Variants in CRISP1 observed in about 807,000 individuals in gnomAD.
The protein encoded by CRISP1 is cysteine-rich secretory protein 1.
CRISP1 carries 44 observed loss-of-function variants against 33.1 expected under a neutral mutation model. The ratio of observed to expected loss-of-function variants is 1.33; its 90% CI spans 1.05 to 1.71. The LOEUF (loss-of-function observed/expected upper bound fraction) is 1.71. Ranked by LOEUF, CRISP1 falls within the 40% of genes most tolerant of loss-of-function variation. The pLI is 0.00. For missense variants in CRISP1, 390 were observed against 301.2 expected (o/e 1.29, Z -2.18); for synonymous variants, 103 against 98.7 (o/e 1.04, Z -0.26).
At chr6:49,853,376 T>A (rs1355941366) in intron 2 of CRISP1, among the ~76,000 whole-genome samples, 4 of 152,178 alleles carry the variant, frequency 2.6e-5, no homozygotes, top group Non-Finnish European at 4.4e-5. Context: ...GGAAATTGGG[T>A]TTCCTGAAAC....
intron 1 of CRISP1, among the ~76,000 whole-genome samples, chr6:49,861,317 G>A (rs1167328614): frequency 6.6e-6 from 1 of 152,210 alleles, no homozygotes; most frequent in East Asian, 1.9e-4. Flanking sequence ...CAATATCCCT[G>A]ATGAACATAG....
chr6:49,861,098 T>C (rs1771638060), intron 1 of CRISP1, among the ~76,000 whole-genome samples: 1 of 152,214 alleles, frequency 6.6e-6, no homozygotes, highest in South Asian at 2.1e-4. Context: ...TGAATTATAA[T>C]AAAAACTCTA....
At chr6:49,850,458 G>A (rs1301637119) in intron 3 of CRISP1, among the ~76,000 whole-genome samples, 1 of 151,924 alleles carries the variant, frequency 6.6e-6, no homozygotes, top group Non-Finnish European at 1.5e-5. Flanking sequence ...GCTTTAACAA[G>A]TGACTCTACT....
rs555703445 is a variant in CRISP1 at position 49,851,636 on chromosome 6, G to A, written c.195+365C>T. 2.0e-4 allele frequency among the ~76,000 whole-genome samples: 31 copies of A among 152,308 alleles called. No homozygotes were observed. The South Asian group carries it at 2.3e-3, about 11-fold the overall frequency. ...TTTGTCGTGTGTACTGGCAGCATCAGCATCAGCTGGGAGCTTGTGGTGGTC... is the reference window on the plus strand; with the variant it reads ...TTTGTCGTGTGTACTGGCAGCATCAACATCAGCTGGGAGCTTGTGGTGGTC... On this transcript the variant is annotated intron_variant, in intron 3 of 7. Transcript: ENST00000335847.
intron 5 of CRISP1, among the ~76,000 whole-genome samples, chr6:49,843,646 A>C (rs1771065241): frequency 6.6e-6 from 1 of 152,212 alleles, no homozygotes. Context: ...TGAGCACACT[A>C]AAACAGATTT....
intron 2 of CRISP1, 29 bp from the exon 3 acceptor site, chr6:49,852,158 T>C (rs779261486): frequency 6.2e-7 from 1 of 1,601,566 alleles, no homozygotes; most frequent in Non-Finnish European, 8.5e-7. Context: ...TAATTAGTGT[T>C]ACTTCTTTTA....
chr6:49,847,557 G>A (rs1487593142), intron 4 of CRISP1, among the ~76,000 whole-genome samples: 1 of 152,092 alleles, frequency 6.6e-6, no homozygotes, highest in Non-Finnish European at 1.5e-5. Context: ...CTCACCAAAA[G>A]CCAAGTAGAT....
At chr6:49,836,664 T>C (rs1770808370) in intron 7 of CRISP1, among the ~76,000 whole-genome samples, 1 of 152,114 alleles carries the variant, frequency 6.6e-6, no homozygotes, top group African/African-American at 2.4e-5. Flanking sequence ...TACATTTATG[T>C]CTTACTGTTT....
intron 3 of CRISP1, among the ~76,000 whole-genome samples, chr6:49,849,388 C>T (rs2127473333): frequency 6.6e-6 from 1 of 152,242 alleles, no homozygotes; most frequent in South Asian, 2.1e-4. Flanking sequence ...TCTTCCTTGT[C>T]CCTCTTGTTT....
At chr6:49,842,522 CATACTA>C (rs1340513947) in intron 5 of CRISP1, among the ~76,000 whole-genome samples, 3 of 152,008 alleles carry the variant, frequency 2.0e-5, no homozygotes, top group Admixed American at 6.6e-5. Context: ...TTTCTATGAA[CATACTA>C]ATGTATTTAT....
rs138917614 is a variant in CRISP1 at position 49,853,316 on chromosome 6, A to T, written c.67-1187T>A. Among the ~76,000 whole-genome samples the T allele has an allele frequency of 2.0e-3, 298 of 152,184 alleles. 2 individuals are homozygous for T. The highest frequency in any genetic ancestry group is 6.8e-3 in the African/African-American group (284 of 41,538). On this transcript the variant is annotated intron_variant, in intron 2 of 7. Transcript: ENST00000335847. ...TTCCTCTCACACCTCATTCCTGAACATTTATTTAACATCCTATCATGGATT... is the reference window on the plus strand; with the variant it reads ...TTCCTCTCACACCTCATTCCTGAACTTTTATTTAACATCCTATCATGGATT...
chr6:49,860,940 C>G (rs988870294), intron 1 of CRISP1, among the ~76,000 whole-genome samples: 1 of 151,816 alleles, frequency 6.6e-6, no homozygotes, highest in Non-Finnish European at 1.5e-5. Context: ...TAGAGAAATA[C>G]AGAAGACCAC....
intron 1 of CRISP1, among the ~76,000 whole-genome samples, chr6:49,860,812 TA>T (rs1270257968): frequency 2.6e-5 from 4 of 151,878 alleles, no homozygotes; most frequent in Non-Finnish European, 5.9e-5. Context: ...ATACAAAGGA[TA>T]AAAAAATGTT....
chr6:49,863,554 T>C (rs1003082998), intron 1 of CRISP1, among the ~76,000 whole-genome samples: 2 of 152,258 alleles, frequency 1.3e-5, no homozygotes, highest in African/African-American at 4.8e-5. Flanking sequence ...AGCAACTTGA[T>C]ACATTATTTA....
At chr6:49,851,740 T>C (rs142740073) in intron 3 of CRISP1, among the ~76,000 whole-genome samples, 5 of 152,250 alleles carry the variant, frequency 3.3e-5, no homozygotes, top group African/African-American at 1.2e-4. Flanking sequence ...TTCAGGTGAT[T>C]CTTGAGTACA....
chr6:49,873,270 A>T (rs1771967170), intron 1 of CRISP1, among the ~76,000 whole-genome samples: 1 of 152,160 alleles, frequency 6.6e-6, no homozygotes, highest in East Asian at 1.9e-4. Flanking sequence ...TATAAAGAAA[A>T]TTTTTCCAAA....
chr6:49,853,365 T>G (rs1771407438), intron 2 of CRISP1, among the ~76,000 whole-genome samples: 1 of 152,190 alleles, frequency 6.6e-6, no homozygotes, highest in African/African-American at 2.4e-5. Context: ...CTCTCATTCC[T>G]GGAAATTGGG....
chr6:49,870,603 T>C (rs1161990837), upstream of CRISP1, among the ~76,000 whole-genome samples: 2 of 152,186 alleles, frequency 1.3e-5, no homozygotes, highest in Non-Finnish European at 2.9e-5. Context: ...AGAGAGCCTG[T>C]TAATACAGAC....
chr6:49,840,188 T>C (rs1352465534), intron 6 of CRISP1, among the ~76,000 whole-genome samples: 3 of 152,196 alleles, frequency 2.0e-5, no homozygotes, highest in Non-Finnish European at 2.9e-5. Flanking sequence ...ATCTTCACTT[T>C]TCTGATAACC....
Sources: gnomAD v4.1 joint callset for allele counts (sites outside exome capture counted in the v4.1 genomes callset) on GRCh38, gnomAD v4.1.1 for gene constraint, MANE v1.5 for transcripts, NCBI Gene and HGNC (gene_info 2026-07-23, HGNC 2026-07-21) for gene names.